The following SH2D1B variants were observed in gnomAD, a reference collection of about 807,000 sequenced individuals.
SH2D1B encodes SH2 domain-containing protein 1B.
Under a neutral mutation model 16.3 loss-of-function variants are expected in SH2D1B, and 11 were observed. That is an observed-to-expected ratio of 0.67 (90% CI 0.42 to 1.11). The LOEUF (loss-of-function observed/expected upper bound fraction) is 1.11. Ranked by LOEUF, SH2D1B falls within the 50% of genes most tolerant of loss-of-function variation. The pLI is 0.00. For missense variants in SH2D1B, 123 were observed against 153.1 expected (o/e 0.80, Z 1.04); for synonymous variants, 55 against 56.1 (o/e 0.98, Z 0.09).
At chr1:162,401,550 T>G (rs975615117) in intron 2 of SH2D1B, among the ~76,000 whole-genome samples, 1 of 152,218 alleles carries the variant, frequency 6.6e-6, no homozygotes, top group East Asian at 1.9e-4. Context: ...AAAGTTAATT[T>G]GCAGACATAA....
rs140022866 is a variant in SH2D1B, at chr1:162,404,896, T to C, written c.135-2094A>G. Among the ~76,000 whole-genome samples, 540 of 152,346 alleles carry C rather than the reference T, an allele frequency of 3.5e-3. 10 individuals are homozygous for C. Among genetic ancestry groups the C allele is most frequent in the East Asian group, 1.7e-3 (9 of 5,186 alleles). On this transcript the variant is annotated intron_variant, in intron 1 of 3. Coordinates refer to ENST00000367929, the MANE Select transcript of SH2D1B (RefSeq NM_053282.5). ...TTTGGGAAACAGTTTGGCAGTTTCTTAAAAAAGATAAGCCTACATAGAACA... is the reference window on the plus strand; with the variant it reads ...TTTGGGAAACAGTTTGGCAGTTTCTCAAAAAAGATAAGCCTACATAGAACA...
rs527854198 is a variant in SH2D1B at position 162,397,573 on chromosome 1, G to C, written c.364-258C>G. 3.7e-4 allele frequency among the ~76,000 whole-genome samples: 56 copies of C among 152,338 alleles called. No homozygotes were observed. In the South Asian group the frequency reaches 0.012, roughly 32 times the overall value. On this transcript the variant is annotated intron_variant, in intron 3 of 3. Transcript: ENST00000367929. Reference sequence around the variant, plus strand: ...CAGCAAGAAATCTGCACCTCCCTTGGAGTAAGAACATCTGAAGCTTCTTCT... The same window carrying C: ...CAGCAAGAAATCTGCACCTCCCTTGCAGTAAGAACATCTGAAGCTTCTTCT...
At chr1:162,408,414 C>CT (rs34627792) in intron 1 of SH2D1B, among the ~76,000 whole-genome samples, 2,829 of 128,146 alleles carry the variant, frequency 0.022, 92 homozygotes, top group African/African-American at 0.044. Context: ...TTTTTCTCTT[C>CT]TTTTTTTTTT....
At chr1:162,398,853 G>T in intron 3 of SH2D1B, 70 bp downstream of exon 3, 1 of 1,503,494 alleles carries the variant, frequency 6.7e-7, no homozygotes, top group Non-Finnish European at 9.0e-7. Context: ...TCTGTATTGA[G>T]TTTACAAAGT....
At chr1:162,402,080 C>A (rs2632549) in intron 2 of SH2D1B, among the ~76,000 whole-genome samples, 39,633 of 152,174 alleles carry the variant, frequency 0.26, 5,366 homozygotes, top group East Asian at 0.41. Context: ...AACACTCTGA[C>A]CTCTTTCCAC....
At chr1:162,402,371 G>C in intron 2 of SH2D1B, 1 of 162,690 alleles carries the variant, frequency 6.1e-6, no homozygotes. Flanking sequence ...ATTAGCTGGG[G>C]GTGGTGGCGC....
rs1648443911 is a variant in SH2D1B, at chr1:162,398,995, A to G, written c.291T>C (p.Leu97=). 9.3e-6 allele frequency: 15 copies of G among 1,614,130 alleles called. No homozygotes were observed. Among genetic ancestry groups the G allele is most frequent in the Non-Finnish European group, 1.3e-5 (15 of 1,180,000 alleles). Residue 97 remains leucine (L), a synonymous_variant, in exon 3 of 4, where the codon CTT becomes CTC. Coordinates refer to ENST00000367929, the MANE Select transcript of SH2D1B (RefSeq NM_053282.5). ...EKPNQGMVVH[L]LKPIKRTSPS... Reference sequence around the variant, plus strand: ...GGCTGGTTCTCTTTATTGGCTTTAAAAGGTGAACCACCATCCCCTGATTTG... The same window carrying G: ...GGCTGGTTCTCTTTATTGGCTTTAAGAGGTGAACCACCATCCCCTGATTTG...
intron 1 of SH2D1B, among the ~76,000 whole-genome samples, chr1:162,407,520 G>A (rs947035058): frequency 1.2e-4 from 18 of 152,162 alleles, no homozygotes; most frequent in African/African-American, 3.9e-4. Flanking sequence ...TGATCATGTC[G>A]CCTACCGCAA....
intron 1 of SH2D1B, among the ~76,000 whole-genome samples, chr1:162,406,254 A>G (rs1648650964): frequency 6.6e-6 from 1 of 152,242 alleles, no homozygotes; most frequent in Non-Finnish European, 1.5e-5. Flanking sequence ...AGATGTAAGT[A>G]CAAAAATGTT....
intron 1 of SH2D1B, among the ~76,000 whole-genome samples, chr1:162,408,699 C>G (rs2101864179): frequency 6.6e-6 from 1 of 152,206 alleles, no homozygotes; most frequent in South Asian, 2.1e-4. Context: ...CAGGTGTGAG[C>G]CACCACGCCT....
chr1:162,408,089 T>C (rs1456559804), intron 1 of SH2D1B, among the ~76,000 whole-genome samples: 2 of 152,202 alleles, frequency 1.3e-5, no homozygotes, highest in African/African-American at 4.8e-5. Flanking sequence ...CCCACTAGGC[T>C]CTGAGTTGTG....
At chr1:162,397,636 G>A (rs1648414277) in intron 3 of SH2D1B, among the ~76,000 whole-genome samples, 1 of 152,234 alleles carries the variant, frequency 6.6e-6, no homozygotes, top group Admixed American at 6.5e-5. Flanking sequence ...GGTTGATGGG[G>A]AATATTTCCT....
intron 2 of SH2D1B, 45 bp from the exon 3 acceptor site, chr1:162,399,132 C>CGT: frequency 6.4e-7 from 1 of 1,557,326 alleles, no homozygotes; most frequent in Non-Finnish European, 8.7e-7. Flanking sequence ...CATGCAATTG[C>CGT]GTGTGAAATG....
At chr1:162,399,781 AGTTT>A (rs1557909832) in intron 2 of SH2D1B, among the ~76,000 whole-genome samples, 1 of 152,194 alleles carries the variant, frequency 6.6e-6, no homozygotes, top group Non-Finnish European at 1.5e-5. Context: ...TTCCTGCATT[AGTTT>A]GCTAAACATA....
chr1:162,405,640 T>C (rs2101862334), intron 1 of SH2D1B, among the ~76,000 whole-genome samples: 1 of 152,354 alleles, frequency 6.6e-6, no homozygotes, highest in East Asian at 1.9e-4. Flanking sequence ...GTGAGACTGA[T>C]ACCCAGTGGA....
intron 3 of SH2D1B, 110 bp downstream of exon 3, chr1:162,398,813 T>C (rs1648437786): frequency 7.6e-7 from 1 of 1,313,646 alleles, no homozygotes; most frequent in Non-Finnish European, 1.0e-6. Context: ...TGAAGCTTTT[T>C]AGAGATAATG....
chr1:162,397,685 A>C (rs549000909), intron 3 of SH2D1B, among the ~76,000 whole-genome samples: 71 of 152,328 alleles, frequency 4.7e-4, no homozygotes, highest in South Asian at 2.3e-3. Context: ...CTGTGTCAGC[A>C]CTGACCCGGC....
intron 2 of SH2D1B, among the ~76,000 whole-genome samples, chr1:162,399,372 C>T (rs994628672): frequency 6.6e-6 from 1 of 152,110 alleles, no homozygotes; most frequent in Non-Finnish European, 1.5e-5. Context: ...GGGCAGTTCT[C>T]GCAGATACAC....
At chr1:162,409,275 T>C (rs891641795) in intron 1 of SH2D1B, among the ~76,000 whole-genome samples, 3 of 152,174 alleles carry the variant, frequency 2.0e-5, no homozygotes, top group African/African-American at 7.2e-5. Flanking sequence ...CAACAGTTTC[T>C]GTTGCCATCA....
Sources: gnomAD v4.1 joint callset for allele counts (sites outside exome capture counted in the v4.1 genomes callset) on GRCh38, gnomAD v4.1.1 for gene constraint, MANE v1.5 for transcripts, NCBI Gene and HGNC (gene_info 2026-07-23, HGNC 2026-07-21) for gene names.